Variants in ASL observed in about 807,000 individuals in gnomAD.
The protein encoded by ASL is argininosuccinase.
A neutral mutation model predicts 69.1 loss-of-function variants in ASL; 51 were observed. The ratio of observed to expected loss-of-function variants is 0.74; its 90% CI spans 0.59 to 0.93. The LOEUF (loss-of-function observed/expected upper bound fraction) is 0.93, where lower values mean the gene tolerates loss of function less well. Ranked by LOEUF, ASL falls within the 40% of genes least tolerant of loss-of-function variation. The pLI is 0.00. For synonymous variants in ASL, 241 were observed against 247.6 expected (o/e 0.97, Z 0.25); for missense variants, 540 against 623.9 (o/e 0.87, Z 1.43).
rs116334335 is a variant in ASL at position 66,088,542 on chromosome 7, G to T, written c.719-265G>T. On this transcript the variant is annotated intron_variant, in intron 10 of 16. Transcript: ENST00000304874. ...TGTGAGTGATAACTCAGTAAAGCTG[G>T]TTTATTTAAAACAACAACAATAACA... Among the ~76,000 whole-genome samples the T allele has an allele frequency of 4.8e-3, 737 of 152,186 alleles. 6 individuals carry two copies. The highest frequency in any genetic ancestry group is 0.016 in the African/African-American group (675 of 41,530).
chr7:66,090,099 G>A (rs555800496), intron 14 of ASL, among the ~76,000 whole-genome samples: 187 of 152,144 alleles, frequency 1.2e-3, no homozygotes, highest in Non-Finnish European at 2.1e-3. Context: ...TTAGCCAGGC[G>A]TGATGGCCCA....
intron 2 of ASL, among the ~76,000 whole-genome samples, chr7:66,079,493 G>A (rs906304113): frequency 1.3e-5 from 2 of 152,178 alleles, no homozygotes; most frequent in Non-Finnish European, 2.9e-5. Flanking sequence ...CTAGGCTCAT[G>A]CCTATAATCT....
intron 2 of ASL, among the ~76,000 whole-genome samples, chr7:66,077,701 C>T (rs1289970349): frequency 6.6e-6 from 1 of 152,114 alleles, no homozygotes; most frequent in East Asian, 1.9e-4. Flanking sequence ...TGCACTCCAG[C>T]CTGGGCGACA....
At chr7:66,091,908 C>T (rs916034164) in intron 14 of ASL, 98 bp from the exon 15 acceptor site, 5 of 1,259,428 alleles carry the variant, frequency 4.0e-6, no homozygotes, top group African/African-American at 2.9e-5. Flanking sequence ...AGTATCTGCC[C>T]AAGGCAGGGA....
chr7:66,075,835 C>G lies in ASL; in HGVS notation c.-65C>G. 1.9e-6 allele frequency: 1 copy of G among 517,672 alleles called. No individual in the cohort carries two copies. The highest frequency in any genetic ancestry group is 3.5e-6 in the Non-Finnish European group (1 of 288,106). 32.1% of individuals were successfully genotyped at this position (517,672 alleles called of 1,614,324 possible). On this transcript the variant is annotated 5_prime_UTR_variant, in exon 1 of 17. Coordinates refer to ENST00000304874, the MANE Select transcript of ASL (RefSeq NM_000048.4). ...GCCCTGGCCAGTGGCGGGCGCGACACTATCCGTGCGGCCAGGCGGAGGTGA... is the reference window on the plus strand; with the variant it reads ...GCCCTGGCCAGTGGCGGGCGCGACAGTATCCGTGCGGCCAGGCGGAGGTGA...
At chr7:66,076,120 C>A in intron 2 of ASL, 27 bp downstream of exon 2, 1 of 1,584,020 alleles carries the variant, frequency 6.3e-7, no homozygotes, top group Non-Finnish European at 8.6e-7. Context: ...GGACTCCGGT[C>A]CTCCTAGCCT....
rs764546937 is a variant in ASL at position 66,092,071 on chromosome 7, C to A, written c.1128C>A (p.Tyr376Ter). The change falls in exon 15 of 17, where the codon TAC becomes TAA. Residue 376 changes from tyrosine to a stop codon, truncating the protein, a stop_gained. Coordinates refer to ENST00000304874, the MANE Select transcript of ASL (RefSeq NM_000048.4). LOFTEE classifies it high-confidence loss of function. ...TGCTGGCCACTGACCTTGCCTATTA[C>A]CTGGTCCGCAAAGGGGTAAGTGTGT... ...PDMLATDLAY[Y>*]LVRKGMPFRQ... The A allele has an allele frequency of 5.0e-6, 8 of 1,612,694 alleles. No individual in the cohort carries two copies. The highest frequency in any genetic ancestry group is 4.2e-6 in the Non-Finnish European group (5 of 1,180,028).
At chr7:66,082,527 C>T in intron 4 of ASL, 76 bp downstream of exon 4, 2 of 1,488,008 alleles carry the variant, frequency 1.3e-6, no homozygotes, top group East Asian at 2.4e-5. Flanking sequence ...AGCATTAGCA[C>T]CATTCTGTTT....
intron 3 of ASL, 128 bp downstream of exon 3, chr7:66,082,125 G>T: frequency 8.1e-7 from 1 of 1,241,620 alleles, no homozygotes; most frequent in Non-Finnish European, 1.1e-6. Context: ...ATATACTCAA[G>T]TGCTGTTTAA....
At chr7:66,091,756 T>C in intron 14 of ASL, 1 of 533,174 alleles carries the variant, frequency 1.9e-6, no homozygotes, top group East Asian at 3.3e-5. Context: ...ATCTGATGCA[T>C]GCTGAAGATA....
At chr7:66,087,978 A>G (rs758366161) in intron 10 of ASL, among the ~76,000 whole-genome samples, 187 bp downstream of exon 10, 16 of 152,058 alleles carry the variant, frequency 1.1e-4, no homozygotes, top group Admixed American at 7.9e-4. Flanking sequence ...ACTGGCCAAC[A>G]TGGTGAAACC....
Position 66,093,048 on chromosome 7 carries a change from C to T in ASL, c.*136C>T. ...ACAGTCAGGGACTGGAGAGGCAGGG[C>T]AGGGTGGCCTGTAATCCCAGCACTT... On this transcript the variant is annotated 3_prime_UTR_variant, in exon 17 of 17. Transcript: ENST00000304874. 2 of 1,422,944 alleles carry T rather than the reference C, an allele frequency of 1.4e-6. No homozygotes were observed. The highest frequency in any genetic ancestry group is 4.0e-5 in the Admixed American group (2 of 50,230). The allele number at this position is 1,422,944 out of a possible 1,614,324, so 88.1% of individuals were successfully genotyped here. A position where few individuals can be genotyped will look rare whatever the true frequency, so the allele number is the denominator to read the frequency against.
intron 14 of ASL, among the ~76,000 whole-genome samples, chr7:66,091,097 CAAAAAAAAA>C (rs71051336): frequency 4.1e-5 from 3 of 73,404 alleles, no homozygotes; most frequent in African/African-American, 1.1e-4. Context: ...GACTCCATCT[CAAAAAAAAA>C]AAAAAAAAAA....
Position 66,079,209 on chromosome 7 carries a change from G to T in ASL, c.13-2594G>T, listed in dbSNP as rs552339649. On this transcript the variant is annotated intron_variant, in intron 2 of 16. Transcript: ENST00000304874. ...TAGGATTATAGGTGTGAGCCACCACGCCCAGCCCCTGAGGTTTAATAATAG... is the reference window on the plus strand; with the variant it reads ...TAGGATTATAGGTGTGAGCCACCACTCCCAGCCCCTGAGGTTTAATAATAG... 2.0e-3 allele frequency among the ~76,000 whole-genome samples: 307 copies of T among 152,062 alleles called. 7 individuals are homozygous for T. Among genetic ancestry groups the T allele is most frequent in the Admixed American group, 0.018 (281 of 15,250 alleles).
intron 11 of ASL, 31 bp downstream of exon 11, chr7:66,088,952 G>A (rs928734370): frequency 4.3e-6 from 7 of 1,609,248 alleles, no homozygotes; most frequent in Non-Finnish European, 5.1e-6. Flanking sequence ...TCCATCTGCC[G>A]CTGCCGGCCT....
chr7:66,087,565 T>A, intron 9 of ASL, 164 bp from the exon 10 acceptor site: 1 of 976,590 alleles, frequency 1.0e-6, no homozygotes, highest in Non-Finnish European at 1.6e-6. Flanking sequence ...TGCCTGGTAC[T>A]GAGAGACTCA....
intron 3 of ASL, 46 bp from the exon 4 acceptor site, chr7:66,082,322 C>T (rs777647003): frequency 6.4e-6 from 10 of 1,558,886 alleles, no homozygotes; most frequent in South Asian, 2.3e-5. Flanking sequence ...CTCTTGGCTG[C>T]TGATGCCTGC....
intron 15 of ASL, 117 bp from the exon 16 acceptor site, chr7:66,092,440 A>G: frequency 2.0e-6 from 2 of 1,015,570 alleles, no homozygotes; most frequent in Non-Finnish European, 2.9e-6. Flanking sequence ...TGGGCAACAG[A>G]GCGAGACTTT....
intron 4 of ASL, 97 bp downstream of exon 4, chr7:66,082,548 T>A: frequency 7.3e-7 from 1 of 1,364,682 alleles, no homozygotes; most frequent in Non-Finnish European, 1.0e-6. Context: ...ACTTCGCCAT[T>A]GGCAGACAGC....
Sources: gnomAD v4.1 joint callset for allele counts (sites outside exome capture counted in the v4.1 genomes callset) on GRCh38, gnomAD v4.1.1 for gene constraint, MANE v1.5 for transcripts, NCBI Gene and HGNC (gene_info 2026-07-23, HGNC 2026-07-21) for gene names.